SMARCC1: variants seen among roughly 807,000 people sequenced by gnomAD.
The protein encoded by SMARCC1 is SWI/SNF related BAF chromatin remodeling complex subunit C1, also known as SWI/SNF complex subunit SMARCC1.
In SMARCC1, 43 loss-of-function variants were observed where a neutral mutation model predicts 147.4. The ratio of observed to expected loss-of-function variants is 0.29; its 90% CI spans 0.23 to 0.38. SMARCC1 has a LOEUF of 0.38. Ranked by LOEUF, SMARCC1 falls within the 10% of genes least tolerant of loss-of-function variation. SMARCC1 has a pLI of 1.00. For missense variants in SMARCC1, 1,119 were observed against 1,381.1 expected (o/e 0.81, Z 3.01); for synonymous variants, 495 against 484.4 (o/e 1.02, Z -0.29).
chr3:47,588,338 G>A (rs1576379366), intron 27 of SMARCC1, 32 bp from the exon 28 acceptor site: 1 of 1,585,762 alleles, frequency 6.3e-7, no homozygotes, highest in East Asian at 2.2e-5. Context: ...ACTCGTTATT[G>A]CTGGAAATAC....
In SMARCC1 at chr3:47,662,990, C is replaced by T. The variant is rs183087811; in HGVS notation, c.1900-398G>A. 1.6e-3 allele frequency among the ~76,000 whole-genome samples: 244 copies of T among 150,196 alleles called. 3 individuals are homozygous for T. Among genetic ancestry groups the T allele is most frequent in the African/African-American group, 5.8e-3 (237 of 40,746 alleles). ...ACTCAGGAGACTGAGGCACCAGAAT[C>T]GCTTGAACCTGGGAGGCAGAAGTTG... On this transcript the variant is annotated intron_variant, in intron 19 of 27. Transcript: ENST00000254480.
At chr3:47,644,149 C>T (rs887206246) in intron 21 of SMARCC1, among the ~76,000 whole-genome samples, 6 of 152,128 alleles carry the variant, frequency 3.9e-5, no homozygotes, top group African/African-American at 1.4e-4. Flanking sequence ...CACTGCACTC[C>T]AGCCTGGGTG....
intron 5 of SMARCC1, among the ~76,000 whole-genome samples, chr3:47,734,673 A>G (rs1358081380): frequency 6.6e-6 from 1 of 152,248 alleles, no homozygotes; most frequent in African/African-American, 2.4e-5. Context: ...GTAAATACCC[A>G]AAGTCTCAGC....
chr3:47,588,329 C>G, intron 27 of SMARCC1, 23 bp from the exon 28 acceptor site: 1 of 1,599,720 alleles, frequency 6.3e-7, no homozygotes, highest in Non-Finnish European at 8.6e-7. Flanking sequence ...CCAAGAGTAA[C>G]TCGTTATTGC....
intron 10 of SMARCC1, among the ~76,000 whole-genome samples, chr3:47,704,242 G>A (rs2033963255): frequency 6.6e-6 from 1 of 152,010 alleles, no homozygotes; most frequent in Non-Finnish European, 1.5e-5. Context: ...TACTTAAAGG[G>A]GAAGAAAACA....
At chr3:47,637,273 C>G (rs935718492) in intron 22 of SMARCC1, among the ~76,000 whole-genome samples, 14 of 152,286 alleles carry the variant, frequency 9.2e-5, no homozygotes, top group African/African-American at 3.4e-4. Flanking sequence ...GAACTATAAT[C>G]AATTTCATTA....
At chr3:47,749,783 T>C (rs1273484632) in intron 2 of SMARCC1, among the ~76,000 whole-genome samples, 9 of 66,016 alleles carry the variant, frequency 1.4e-4, no homozygotes, top group Non-Finnish European at 2.6e-4. Context: ...GGGAGAGGGA[T>C]AGAGGGAGGG....
chr3:47,702,593 C>CA (rs946473469), intron 10 of SMARCC1, among the ~76,000 whole-genome samples: 25 of 152,070 alleles, frequency 1.6e-4, no homozygotes, highest in African/African-American at 5.1e-4. Flanking sequence ...CCATCTCTAC[C>CA]AAAAAACAAA....
chr3:47,739,438 A>C (rs1169808274), intron 3 of SMARCC1, among the ~76,000 whole-genome samples: 1 of 152,096 alleles, frequency 6.6e-6, no homozygotes, highest in Non-Finnish European at 1.5e-5. Flanking sequence ...CTCCCACCTC[A>C]ACCTCAGCCT....
At chr3:47,680,257 A>G in intron 15 of SMARCC1, 180 bp downstream of exon 15, 1 of 540,336 alleles carries the variant, frequency 1.9e-6, no homozygotes, top group Non-Finnish European at 3.3e-6. Flanking sequence ...AAAACAAAAA[A>G]CGAAACTAGA....
At chr3:47,657,506 A>G (rs980323749) in intron 21 of SMARCC1, among the ~76,000 whole-genome samples, 1 of 152,204 alleles carries the variant, frequency 6.6e-6, no homozygotes, top group Non-Finnish European at 1.5e-5. Context: ...CAGAAATTAC[A>G]AAGTACAGGG....
At position 47,778,212 on chromosome 3, in the gene SMARCC1, A is replaced by ACC. The variant is rs58487736; in HGVS notation, c.195+3390_195+3391insGG. ...TCTCAAAAAAAAAAAACAAAAAACA[A>ACC]AAAACAAAAAAAACACTGACTCCTA... On this transcript the variant is annotated intron_variant, in intron 1 of 27. Coordinates refer to ENST00000254480, the MANE Select transcript of SMARCC1 (RefSeq NM_003074.4). Among the ~76,000 whole-genome samples the ACC allele has an allele frequency of 1.6e-5, 2 of 121,320 alleles. 1 individual carries two copies. Among genetic ancestry groups the ACC allele is most frequent in the Non-Finnish European group, 3.4e-5 (2 of 58,990 alleles). 79.6% of individuals were successfully genotyped at this position (121,320 alleles called of 152,430 possible). A position where few individuals can be genotyped will look rare whatever the true frequency, so the allele number is the denominator to read the frequency against.
intron 2 of SMARCC1, among the ~76,000 whole-genome samples, chr3:47,770,546 C>A (rs1417333618): frequency 6.6e-6 from 1 of 152,090 alleles, no homozygotes; most frequent in African/African-American, 2.4e-5. Context: ...TCACTTGAAC[C>A]TGGGAAGCAG....
intron 24 of SMARCC1, among the ~76,000 whole-genome samples, chr3:47,627,267 A>T (rs2032823407): frequency 6.6e-6 from 1 of 151,974 alleles, no homozygotes; most frequent in Non-Finnish European, 1.5e-5. Flanking sequence ...AGGTTGAAGA[A>T]ATAGATCTTT....
intron 21 of SMARCC1, among the ~76,000 whole-genome samples, chr3:47,658,225 T>C (rs972942307): frequency 6.6e-6 from 1 of 152,140 alleles, no homozygotes; most frequent in Non-Finnish European, 1.5e-5. Context: ...ACTGTGAACT[T>C]AAAAAAATAG....
At chr3:47,680,339 A>G in intron 15 of SMARCC1, 98 bp downstream of exon 15, 1 of 808,526 alleles carries the variant, frequency 1.2e-6, no homozygotes, top group Non-Finnish European at 2.1e-6. Context: ...AGTATTTGCA[A>G]ACTTCCAAGA....
intron 2 of SMARCC1, among the ~76,000 whole-genome samples, chr3:47,750,773 G>A (rs966844048): frequency 3.3e-5 from 5 of 151,948 alleles, no homozygotes; most frequent in South Asian, 2.1e-4. Context: ...AGAGATCCAC[G>A]CTACTCAGAA....
intron 2 of SMARCC1, among the ~76,000 whole-genome samples, chr3:47,749,408 A>G (rs545496304): frequency 2.9e-4 from 43 of 146,868 alleles, no homozygotes; most frequent in African/African-American, 1.1e-3. Flanking sequence ...CGCCTATAAA[A>G]CCAGCACTTT....
chr3:47,618,943 A>G (rs1358558491), intron 25 of SMARCC1, among the ~76,000 whole-genome samples: 1 of 152,156 alleles, frequency 6.6e-6, no homozygotes, highest in African/African-American at 2.4e-5. Context: ...AGTGGGATCT[A>G]CCCAACCATC....
Sources: allele counts gnomAD v4.1 joint callset (sites outside exome capture counted in the v4.1 genomes callset), GRCh38; gene constraint gnomAD v4.1.1; transcripts MANE v1.5; gene names NCBI Gene and HGNC (gene_info 2026-07-23, HGNC 2026-07-21).